DDX10: variants seen among roughly 807,000 people sequenced by gnomAD.
The protein encoded by DDX10 is DEAD-box helicase 10, also known as probable ATP-dependent RNA helicase DDX10.
Under a neutral mutation model 104.3 loss-of-function variants are expected in DDX10, and 74 were observed. The observed-to-expected ratio is 0.71, with a 90% CI of 0.59 to 0.86. DDX10 has a LOEUF of 0.86. Among genes scored for constraint, DDX10 ranks in the 40% least tolerant of loss-of-function variants. DDX10 has a pLI of 0.00. For synonymous variants in DDX10, 351 were observed against 353.4 expected, an observed-to-expected ratio of 0.99 and a Z score of 0.08; for missense variants, 952 against 1,040.0, an observed-to-expected ratio of 0.92 and a Z score of 1.16.
chr11:108,775,371 G>A (rs2094368564), intron 13 of DDX10, among the ~76,000 whole-genome samples: 1 of 152,136 alleles, frequency 6.6e-6, no homozygotes, highest in Admixed American at 6.5e-5. Context: ...ACAATTGAGT[G>A]AATGTATTAA....
intron 16 of DDX10, among the ~76,000 whole-genome samples, chr11:108,888,808 G>C (rs186730703): frequency 3.4e-4 from 51 of 150,476 alleles, no homozygotes; most frequent in Middle Eastern, 6.8e-3. Flanking sequence ...CACTTTTTTT[G>C]AAAGCTAACC....
At chr11:108,770,474 A>G (rs1398089744) in intron 13 of DDX10, among the ~76,000 whole-genome samples, 3 of 149,130 alleles carry the variant, frequency 2.0e-5, no homozygotes. Context: ...TTTTGTACTC[A>G]TTAACCATCC....
intron 13 of DDX10, among the ~76,000 whole-genome samples, chr11:108,736,066 A>C (rs747004134): frequency 1.3e-5 from 2 of 152,020 alleles, no homozygotes; most frequent in Non-Finnish European, 2.9e-5. Context: ...TAATGTTGTA[A>C]TTTTGAAGCA....
intron 1 of DDX10, among the ~76,000 whole-genome samples, chr11:108,667,932 A>G (rs756677079): frequency 6.6e-6 from 1 of 152,162 alleles, no homozygotes; most frequent in Non-Finnish European, 1.5e-5. Context: ...CTCCTACTAG[A>G]CCATGAACAT....
chr11:108,890,232 GA>G (rs970662241), intron 16 of DDX10, among the ~76,000 whole-genome samples: 1 of 152,116 alleles, frequency 6.6e-6, no homozygotes, highest in African/African-American at 2.4e-5. Context: ...GAAAAAATAT[GA>G]AATATGGAAC....
At chr11:108,877,746 A>G (rs1234633979) in intron 16 of DDX10, among the ~76,000 whole-genome samples, 1 of 152,240 alleles carries the variant, frequency 6.6e-6, no homozygotes, top group Non-Finnish European at 1.5e-5. Context: ...AGGCACTTAA[A>G]TAGCTCCCTG....
chr11:108,684,108 G>GGTGTTCTAA (rs2094239347), intron 6 of DDX10, among the ~76,000 whole-genome samples: 1 of 108,778 alleles, frequency 9.2e-6, no homozygotes, highest in African/African-American at 3.6e-5. Flanking sequence ...CTTGCTTTCT[G>GGTGTTCTAA]GTGTTCTAAG....
intron 16 of DDX10, among the ~76,000 whole-genome samples, chr11:108,891,277 A>C (rs1445271562): frequency 6.6e-6 from 1 of 152,136 alleles, no homozygotes; most frequent in Non-Finnish European, 1.5e-5. Context: ...ATCATCCTGC[A>C]GTGGTTCCTG....
intron 13 of DDX10, among the ~76,000 whole-genome samples, chr11:108,762,272 AT>A (rs2094351699): frequency 1.3e-5 from 2 of 152,308 alleles, no homozygotes; most frequent in African/African-American, 4.8e-5. Context: ...TAGGTAACAT[AT>A]TTGAGGAAAT....
intron 16 of DDX10, among the ~76,000 whole-genome samples, chr11:108,875,832 G>A (rs1863146606): frequency 6.6e-6 from 1 of 152,160 alleles, no homozygotes; most frequent in African/African-American, 2.4e-5. Flanking sequence ...GAGATACTCA[G>A]TGAGGTTGGA....
intron 13 of DDX10, among the ~76,000 whole-genome samples, chr11:108,832,807 A>C (rs1416059297): frequency 6.6e-6 from 1 of 152,232 alleles, no homozygotes; most frequent in Non-Finnish European, 1.5e-5. Context: ...TAACCTGGAT[A>C]TATAAAAGCA....
chr11:108,763,325 CT>C, intron 13 of DDX10, among the ~76,000 whole-genome samples: 1 of 152,228 alleles, frequency 6.6e-6, no homozygotes, highest in Middle Eastern at 3.4e-3. Flanking sequence ...CTCACTTGGG[CT>C]TATTTTTACT....
intron 16 of DDX10, among the ~76,000 whole-genome samples, chr11:108,887,808 C>A (rs963975058): frequency 2.0e-5 from 3 of 152,104 alleles, no homozygotes; most frequent in East Asian, 1.9e-4. Context: ...CCCAGCTAGT[C>A]CTCAGGAAGA....
intron 7 of DDX10, among the ~76,000 whole-genome samples, chr11:108,689,563 C>G (rs950251532): frequency 2.0e-5 from 3 of 152,144 alleles, no homozygotes; most frequent in African/African-American, 7.2e-5. Context: ...ATCAGTTGTT[C>G]CCTCCCCTAA....
chr11:108,717,858 A>T (rs2134471284), intron 11 of DDX10, among the ~76,000 whole-genome samples: 1 of 152,288 alleles, frequency 6.6e-6, no homozygotes, highest in African/African-American at 2.4e-5. Context: ...TAGCTTGAAA[A>T]TTAAAAAATG....
intron 17 of DDX10, among the ~76,000 whole-genome samples, chr11:108,931,729 C>T (rs896986551): frequency 6.6e-6 from 1 of 152,258 alleles, no homozygotes; most frequent in African/African-American, 2.4e-5. Context: ...TTATAAAATA[C>T]CTTTAATAAT....
At chr11:108,666,490 A>C (rs1384791578) in intron 1 of DDX10, among the ~76,000 whole-genome samples, 3 of 152,132 alleles carry the variant, frequency 2.0e-5, no homozygotes, top group African/African-American at 7.2e-5. Context: ...TAAACAAACA[A>C]ACAAAAAAGC....
At chr11:108,756,843 A>G (rs1436258491) in intron 13 of DDX10, among the ~76,000 whole-genome samples, 1 of 152,080 alleles carries the variant, frequency 6.6e-6, no homozygotes, top group Non-Finnish European at 1.5e-5. Flanking sequence ...ACGTTTTAGT[A>G]AATTACAGTC....
chr11:108,747,662 C>T (rs189086883), intron 13 of DDX10, among the ~76,000 whole-genome samples: 11 of 152,164 alleles, frequency 7.2e-5, no homozygotes, highest in African/African-American at 2.6e-4. Context: ...TTGTTTTATG[C>T]CTCCTATTAC....
Sources: gnomAD v4.1 joint callset for allele counts (sites outside exome capture counted in the v4.1 genomes callset) on GRCh38, gnomAD v4.1.1 for gene constraint, MANE v1.5 for transcripts, NCBI Gene and HGNC (gene_info 2026-07-23, HGNC 2026-07-21) for gene names.